The following PDLIM5 variants were observed in gnomAD, a reference collection of about 807,000 sequenced individuals.
PDLIM5 encodes the protein PDZ and LIM domain 5, also known as PDZ and LIM domain protein 5.
A neutral mutation model predicts 64.2 loss-of-function variants in PDLIM5; 34 were observed. The observed-to-expected ratio is 0.53, with a 90% CI of 0.40 to 0.71. The LOEUF is 0.71. Ranked by LOEUF, PDLIM5 falls within the 30% of genes least tolerant of loss-of-function variation. The pLI is 0.00. For synonymous variants in PDLIM5, 253 were observed against 269.1 expected (o/e 0.94, Z 0.59); for missense variants, 683 against 733.6 (o/e 0.93, Z 0.80).
At chr4:94,500,954 G>T (rs1727858805) in intron 2 of PDLIM5, among the ~76,000 whole-genome samples, 1 of 151,678 alleles carries the variant, frequency 6.6e-6, no homozygotes, top group South Asian at 2.1e-4. Context: ...AGTTAATTTT[G>T]TATTTTTTGT....
At chr4:94,549,655 TA>T (rs1159836602) in intron 3 of PDLIM5, 3 of 152,174 alleles carry the variant, frequency 2.0e-5, no homozygotes, top group African/African-American at 7.2e-5. Context: ...AAGCAAGGTG[TA>T]AAACAGTGTG....
chr4:94,665,516 A>C lies in PDLIM5; in HGVS notation c.*1449A>C. On this transcript the variant is annotated 3_prime_UTR_variant, in exon 13 of 13. Coordinates refer to ENST00000317968, the MANE Select transcript of PDLIM5 (RefSeq NM_006457.5). ...AAAAAAAAAAAAAAAAGAGAGAGAG[A>C]GAATAAATAGAAAAGAATGTGGCTG... The C allele has an allele frequency of 7.9e-6, 6 of 756,654 alleles. 1 individual carries two copies. The highest frequency in any genetic ancestry group is 1.2e-4 in the South Asian group (2 of 17,372). The allele number at this position is 756,654 out of a possible 1,614,324, so 46.9% of individuals were successfully genotyped here. A position where few individuals can be genotyped will look rare whatever the true frequency, so the allele number is the denominator to read the frequency against.
At chr4:94,660,370 G>GT (rs1364462750) in intron 11 of PDLIM5, among the ~76,000 whole-genome samples, 1 of 152,022 alleles carries the variant, frequency 6.6e-6, no homozygotes, top group Non-Finnish European at 1.5e-5. Flanking sequence ...TTCTTTGTCA[G>GT]TTTTTCTGCG....
chr4:94,508,951 CAT>C (rs2110099654), intron 2 of PDLIM5, among the ~76,000 whole-genome samples: 1 of 152,308 alleles, frequency 6.6e-6, no homozygotes, highest in Admixed American at 6.5e-5. Flanking sequence ...GTGTCTTTCA[CAT>C]GTTTTTTGTT....
chr4:94,628,809 A>C (rs1739906987), intron 8 of PDLIM5, among the ~76,000 whole-genome samples: 1 of 152,208 alleles, frequency 6.6e-6, no homozygotes, highest in African/African-American at 2.4e-5. Flanking sequence ...AAAATTGTAC[A>C]AATTTAATAT....
chr4:94,561,268 G>A (rs1250637167), intron 3 of PDLIM5, among the ~76,000 whole-genome samples: 1 of 152,164 alleles, frequency 6.6e-6, no homozygotes, highest in African/African-American at 2.4e-5. Context: ...AAGAGATCTT[G>A]TGGGCCAATT....
chr4:94,575,701 A>T lies in PDLIM5; in HGVS notation c.377A>T (p.Asn126Ile). Residue 126 changes from asparagine to isoleucine, a missense_variant, in exon 5 of 13, where the codon AAT becomes ATT. Physicochemically the swap from Asn to Ile is moderately radical, Grantham distance 149. Coordinates refer to ENST00000317968, the MANE Select transcript of PDLIM5 (RefSeq NM_006457.5). ...ACTTCCACAAACAACATGGCCTACA[A>T]TAAGGCACCACGGCCTTTTGGTTCT... ...KVTSTNNMAY[N>I]KAPRPFGSVS... is the part of the protein sequence containing the mutation. 6.2e-7 allele frequency: 1 copy of T among 1,613,876 alleles called. No individual in the cohort carries two copies. The highest frequency in any genetic ancestry group is 8.5e-7 in the Non-Finnish European group (1 of 1,179,794).
chr4:94,529,617 G>A (rs768343664), intron 3 of PDLIM5, among the ~76,000 whole-genome samples: 1 of 151,570 alleles, frequency 6.6e-6, no homozygotes, highest in African/African-American at 2.4e-5. Flanking sequence ...TTAATTTGGG[G>A]GCATATAATA....
Position 94,549,295 on chromosome 4 carries a change from G to A in PDLIM5, c.249-24056G>A, listed in dbSNP as rs531958924. ...ATAACCTCTGTACCCCTTTTTCTCT[G>A]TCTCGATGTATGCATTCTCATTCTC... On this transcript the variant is annotated intron_variant, in intron 3 of 12. Transcript: ENST00000317968. 8.5e-5 allele frequency among the ~76,000 whole-genome samples: 13 copies of A among 152,102 alleles called. 1 individual carries two copies. In the East Asian group the frequency reaches 2.5e-3, roughly 29 times the overall value.
At chr4:94,649,027 G>A (rs927630059) in intron 9 of PDLIM5, among the ~76,000 whole-genome samples, 2 of 151,864 alleles carry the variant, frequency 1.3e-5, no homozygotes, top group Non-Finnish European at 2.9e-5. Context: ...TGACGCTGGA[G>A]TGCAGTGGCG....
chr4:94,644,649 C>A (rs1741266525), intron 9 of PDLIM5, among the ~76,000 whole-genome samples: 1 of 151,944 alleles, frequency 6.6e-6, no homozygotes, highest in Non-Finnish European at 1.5e-5. Context: ...TCAAGCAATT[C>A]TCCTGCCTCA....
At chr4:94,634,124 C>T (rs180822002) in intron 8 of PDLIM5, among the ~76,000 whole-genome samples, 9 of 152,228 alleles carry the variant, frequency 5.9e-5, no homozygotes, top group African/African-American at 1.9e-4. Flanking sequence ...CTGAGTTAAA[C>T]GGTCACTATT....
chr4:94,587,792 C>A, intron 7 of PDLIM5: 1 of 902,984 alleles, frequency 1.1e-6, no homozygotes, highest in Non-Finnish European at 1.3e-6. Flanking sequence ...AAGGAAATAT[C>A]TCTAGTGGAT....
Position 94,654,556 on chromosome 4 carries a change from G to A in PDLIM5, c.1380G>A (p.Glu460=). Residue 460 remains glutamate, a synonymous_variant, in exon 10 of 13, where the codon GAG becomes GAA. Transcript: ENST00000317968. ...KNTMAYIGFV[E]EKGALYCELC... ...CAATGGCCTACATTGGATTTGTAGA[G>A]GAGAAAGGAGCCCTGTATTGTGAGC... 1 of 1,612,468 alleles carries A rather than the reference G, an allele frequency of 6.2e-7. No individual in the cohort carries two copies. The highest frequency in any genetic ancestry group is 1.1e-5 in the South Asian group (1 of 91,044).
At chr4:94,659,208 C>T (rs573719316) in intron 11 of PDLIM5, among the ~76,000 whole-genome samples, 2 of 152,272 alleles carry the variant, frequency 1.3e-5, no homozygotes, top group South Asian at 2.1e-4. Flanking sequence ...ATAACCCCAT[C>T]GTCCACTATC....
intron 2 of PDLIM5, among the ~76,000 whole-genome samples, chr4:94,475,881 A>G (rs527655104): frequency 1.3e-5 from 2 of 152,178 alleles, no homozygotes; most frequent in African/African-American, 2.4e-5. Context: ...TTACCAGGAC[A>G]TAGCCTCTAT....
chr4:94,602,784 T>C (rs1017527784), intron 7 of PDLIM5, among the ~76,000 whole-genome samples: 1 of 152,086 alleles, frequency 6.6e-6, no homozygotes, highest in Non-Finnish European at 1.5e-5. Flanking sequence ...TTCTCCTCAT[T>C]CCACTGAAGT....
At chr4:94,636,238 CT>C (rs1380290990) in intron 8 of PDLIM5, among the ~76,000 whole-genome samples, 1 of 152,036 alleles carries the variant, frequency 6.6e-6, no homozygotes, top group Admixed American at 6.6e-5. Context: ...TGACTCAGTA[CT>C]TTAGAGCTTA....
intron 8 of PDLIM5, among the ~76,000 whole-genome samples, chr4:94,624,180 TG>T (rs1457155831): frequency 1.3e-5 from 2 of 149,730 alleles, no homozygotes; most frequent in Non-Finnish European, 3.0e-5. Flanking sequence ...TGGCTGGGCA[TG>T]GTGGTGCACG....
Sources: gnomAD v4.1 joint callset for allele counts (sites outside exome capture counted in the v4.1 genomes callset) on GRCh38, gnomAD v4.1.1 for gene constraint, MANE v1.5 for transcripts, NCBI Gene and HGNC (gene_info 2026-07-23, HGNC 2026-07-21) for gene names.